Variants in PPP4R3B observed in about 807,000 individuals in gnomAD.
PPP4R3B encodes the protein protein phosphatase 4 regulatory subunit 3B.
A neutral mutation model predicts 95.4 loss-of-function variants in PPP4R3B; 52 were observed. The ratio of observed to expected loss-of-function variants is 0.54; its 90% CI spans 0.44 to 0.69. The LOEUF is 0.69. Among genes scored for constraint, PPP4R3B ranks in the 30% least tolerant of loss-of-function variants. The pLI, the probability that PPP4R3B is intolerant of heterozygous loss-of-function variation, is 0.00. For missense variants in PPP4R3B, 1,003 were observed against 1,005.9 expected, an observed-to-expected ratio of 1.00 and a Z score of 0.04; for synonymous variants, 407 against 343.9, an observed-to-expected ratio of 1.18 and a Z score of -2.03.
chr2:55,557,687 G>T (rs908149149), intron 16 of PPP4R3B, among the ~76,000 whole-genome samples: 2 of 152,144 alleles, frequency 1.3e-5, no homozygotes, highest in African/African-American at 4.8e-5. Context: ...TATATTTTGT[G>T]TTCCAAACAA....
chr2:55,582,042 C>T (rs1366268983), intron 7 of PPP4R3B, among the ~76,000 whole-genome samples: 1 of 152,070 alleles, frequency 6.6e-6, no homozygotes, highest in African/African-American at 2.4e-5. Context: ...GGGTTTCAGA[C>T]TCAGGCGTAA....
At chr2:55,562,518 C>T (rs980699654) in intron 15 of PPP4R3B, among the ~76,000 whole-genome samples, 10 of 152,210 alleles carry the variant, frequency 6.6e-5, no homozygotes, top group African/African-American at 1.4e-4. Context: ...GCTTTCCTTT[C>T]GCCTTCGACC....
chr2:55,595,824 A>C (rs969202529), intron 4 of PPP4R3B, among the ~76,000 whole-genome samples: 3 of 152,020 alleles, frequency 2.0e-5, no homozygotes, highest in Non-Finnish European at 4.4e-5. Flanking sequence ...GGGCTCAGGG[A>C]CTTCCAGAGG....
chr2:55,567,589 T>C (rs1320346930), intron 13 of PPP4R3B, among the ~76,000 whole-genome samples: 1 of 152,166 alleles, frequency 6.6e-6, no homozygotes, highest in Non-Finnish European at 1.5e-5. Flanking sequence ...CTAATTTCTG[T>C]ATTTTTAGTA....
At position 55,617,360 on chromosome 2, in the gene PPP4R3B, G is replaced by A; in HGVS notation, c.-75C>T. On this transcript the variant is annotated 5_prime_UTR_variant, in exon 1 of 17. Coordinates refer to ENST00000616407, the MANE Select transcript of PPP4R3B (RefSeq NM_001122964.3). Reference sequence around the variant, plus strand: ...TCCGCGCTCCTCACTCTTAGGAGACGGTAAAGGCAGTAGTGGCGGTGGCGG... The same window carrying A: ...TCCGCGCTCCTCACTCTTAGGAGACAGTAAAGGCAGTAGTGGCGGTGGCGG... 1.6e-5 allele frequency: 23 copies of A among 1,420,316 alleles called. No individual in the cohort carries two copies. Among genetic ancestry groups the A allele is most frequent in the Non-Finnish European group, 1.9e-5 (21 of 1,077,982 alleles). 88.0% of individuals were successfully genotyped at this position (1,420,316 alleles called of 1,614,324 possible). A position where few individuals can be genotyped will look rare whatever the true frequency, so the allele number is the denominator to read the frequency against.
Position 55,565,011 on chromosome 2 carries a change from C to T in PPP4R3B, c.1966G>A (p.Val656Ile), listed in dbSNP as rs1174964041. 7 of 1,604,674 alleles carry T rather than the reference C, an allele frequency of 4.4e-6. No individual in the cohort carries two copies. The highest frequency in any genetic ancestry group is 1.7e-4 in the Middle Eastern group (1 of 5,942). Residue 656 changes from valine (V) to isoleucine (I), a missense_variant, in exon 14 of 17, where the codon GTT becomes ATT. Physicochemically the swap from Val to Ile is conservative, Grantham distance 29 (BLOSUM62 3). Around this residue, in one of 3 missense-constraint regions of PPP4R3B, gnomAD observed 79 missense variants for 124.9 expected, o/e 0.63. Coordinates refer to ENST00000616407, the MANE Select transcript of PPP4R3B (RefSeq NM_001122964.3). ...TCAAGTGCTTTATAAAAGTTTTCAA[C>T]TATATGGGCAGTAAGAGACTTGATA... Reference protein sequence around the residue: ...EDIKSLTAHIVENFYKALESI... With the variant: ...EDIKSLTAHIIENFYKALESI...
At chr2:55,558,180 T>C (rs761034298) in intron 16 of PPP4R3B, among the ~76,000 whole-genome samples, 6 of 152,124 alleles carry the variant, frequency 3.9e-5, no homozygotes, top group Non-Finnish European at 5.9e-5. Flanking sequence ...TTTATGAAGA[T>C]GAATTTGACC....
At chr2:55,562,122 C>A (rs1056830872) in intron 15 of PPP4R3B, among the ~76,000 whole-genome samples, 2 of 152,056 alleles carry the variant, frequency 1.3e-5, no homozygotes, top group African/African-American at 2.4e-5. Context: ...CTGGTTGTTT[C>A]AAAGTGTGTG....
chr2:55,601,411 C>T (rs1379567956), intron 3 of PPP4R3B, among the ~76,000 whole-genome samples: 8 of 150,672 alleles, frequency 5.3e-5, no homozygotes, highest in African/African-American at 2.0e-4. Flanking sequence ...GACAGAGTCT[C>T]GCTCTGTAGC....
At chr2:55,563,893 T>C (rs1243361684) in intron 15 of PPP4R3B, among the ~76,000 whole-genome samples, 8 of 152,210 alleles carry the variant, frequency 5.3e-5, no homozygotes, top group Admixed American at 5.2e-4. Context: ...ACTTTTGTAA[T>C]TTTAAAATTT....
chr2:55,595,429 C>T (rs1336820813), intron 4 of PPP4R3B, among the ~76,000 whole-genome samples: 2 of 151,686 alleles, frequency 1.3e-5, no homozygotes, highest in Admixed American at 1.3e-4. Context: ...AGTTTGAGAC[C>T]AGCCTGGGCA....
chr2:55,577,450 C>T (rs1688836861), intron 10 of PPP4R3B, 94 bp from the exon 11 acceptor site: 1 of 1,171,934 alleles, frequency 8.5e-7, no homozygotes, highest in South Asian at 2.8e-5. Flanking sequence ...TGTCTTCAAT[C>T]ATAATCTCCT....
chr2:55,599,638 C>A (rs1692276913), intron 3 of PPP4R3B, among the ~76,000 whole-genome samples: 2 of 152,158 alleles, frequency 1.3e-5, no homozygotes, highest in African/African-American at 4.8e-5. Context: ...ATCATAACGT[C>A]TCAGAGACAG....
chr2:55,563,586 G>T (rs1686901222), intron 15 of PPP4R3B, among the ~76,000 whole-genome samples: 1 of 151,986 alleles, frequency 6.6e-6, no homozygotes, highest in African/African-American at 2.4e-5. Flanking sequence ...GTTACCCAGG[G>T]TGGTTTGGAA....
Position 55,579,737 on chromosome 2 carries a change from A to G in PPP4R3B, c.1410T>C (p.Cys470=), listed in dbSNP as rs1689190349. 1.2e-6 allele frequency: 2 copies of G among 1,606,852 alleles called. No homozygotes were observed. The highest frequency in any genetic ancestry group is 1.7e-6 in the Non-Finnish European group (2 of 1,176,814). ...SEFLNFFYNH[C]MHVLTAPLLT... ...AAAGTGGTGCTGTGAGAACATGCAT[A>G]CAATGGTTGTAGAAAAAATTTAGAA... The change falls in exon 9 of 17, where the codon TGT becomes TGC. Residue 470 remains cysteine (C), a synonymous_variant. Transcript: ENST00000616407.
intron 15 of PPP4R3B, among the ~76,000 whole-genome samples, chr2:55,559,533 C>G (rs913020912): frequency 6.6e-6 from 1 of 152,090 alleles, no homozygotes; most frequent in Non-Finnish European, 1.5e-5. Flanking sequence ...GTGACTGGAT[C>G]ATGGGGGTGG....
intron 8 of PPP4R3B, among the ~76,000 whole-genome samples, 175 bp from the exon 9 acceptor site, chr2:55,579,956 C>T (rs747606072): frequency 1.4e-4 from 21 of 151,980 alleles, no homozygotes; most frequent in Non-Finnish European, 2.8e-4. Context: ...CTTGGTTATA[C>T]GTTGTCAAAG....
At chr2:55,566,126 C>T (rs564995834) in intron 13 of PPP4R3B, among the ~76,000 whole-genome samples, 3 of 151,762 alleles carry the variant, frequency 2.0e-5, no homozygotes, top group African/African-American at 7.2e-5. Context: ...GATAACACTA[C>T]ATAGTAAGAA....
At chr2:55,589,932 A>T (rs1231625374) in intron 4 of PPP4R3B, among the ~76,000 whole-genome samples, 1 of 134,540 alleles carries the variant, frequency 7.4e-6, no homozygotes, top group Non-Finnish European at 1.7e-5. Flanking sequence ...AAAAAAAATT[A>T]TATATATATA....
Sources: gnomAD v4.1 joint callset for allele counts (sites outside exome capture counted in the v4.1 genomes callset) on GRCh38, gnomAD v4.1.1 for gene constraint, gnomAD v4.1.1 regional missense constraint, MANE v1.5 for transcripts, NCBI Gene and HGNC (gene_info 2026-07-23, HGNC 2026-07-21) for gene names.